STRIP2: variants seen among roughly 807,000 people sequenced by gnomAD.
STRIP2 encodes the protein striatin interacting protein 2, also known as striatin-interacting protein 2.
A neutral mutation model predicts 107.1 loss-of-function variants in STRIP2; 84 were observed. That is an observed-to-expected ratio of 0.78 (90% CI 0.66 to 0.94). STRIP2 has a LOEUF of 0.94. Ranked by LOEUF, STRIP2 falls within the 40% of genes least tolerant of loss-of-function variation. STRIP2 has a pLI of 0.00. For synonymous variants in STRIP2, 394 were observed against 400.4 expected, an observed-to-expected ratio of 0.98 and a Z score of 0.19; for missense variants, 888 against 1,034.2, an observed-to-expected ratio of 0.86 and a Z score of 1.94.
intron 13 of STRIP2, among the ~76,000 whole-genome samples, chr7:129,460,948 C>T (rs1412580820): frequency 6.6e-6 from 1 of 152,222 alleles, no homozygotes; most frequent in African/African-American, 2.4e-5. Flanking sequence ...GGAAGGCAGC[C>T]TTTGGAGATT....
intron 3 of STRIP2, 34 bp from the exon 4 acceptor site, chr7:129,451,579 C>T (rs1798193603): frequency 1.2e-6 from 2 of 1,611,362 alleles, no homozygotes; most frequent in Non-Finnish European, 1.7e-6. Context: ...GTGGCAATAG[C>T]TGACACTGGA....
In STRIP2 at chr7:129,485,700, CTGCT is replaced by C. The variant is rs1440383432; in HGVS notation, c.2380_2383del (p.Leu794ArgfsTer42). 1 of 1,614,142 alleles carries C rather than the reference CTGCT, an allele frequency of 6.2e-7. No homozygotes were observed. The highest frequency in any genetic ancestry group is 8.5e-7 in the Non-Finnish European group (1 of 1,180,034). On this transcript the variant is annotated frameshift_variant, in exon 21 of 21. Transcript: ENST00000249344. LOFTEE classifies it high-confidence loss of function. The stretch of plus-strand genomic sequence containing the variant: ...ACTCTGAGTTTTCACCTGTGGATAA[CTGCT>C]TGCAGAGCGTACTGGGGCAGAGGTT...
chr7:129,481,087 C>A (rs1799104677), intron 19 of STRIP2, among the ~76,000 whole-genome samples, 198 bp downstream of exon 19: 1 of 152,186 alleles, frequency 6.6e-6, no homozygotes, highest in Admixed American at 6.5e-5. Flanking sequence ...TTTCAGGGGG[C>A]TGAATCTCAA....
chr7:129,438,502 A>G (rs1797810919), intron 1 of STRIP2, among the ~76,000 whole-genome samples: 1 of 152,258 alleles, frequency 6.6e-6, no homozygotes, highest in Non-Finnish European at 1.5e-5. Context: ...AGTCCTTAAA[A>G]TAACCCTATG....
Position 129,488,183 on chromosome 7 carries a change from A to G in STRIP2, c.*2354A>G, listed in dbSNP as rs542464820. On this transcript the variant is annotated 3_prime_UTR_variant, in exon 21 of 21. Transcript: ENST00000249344. Reference sequence around the variant, plus strand: ...CTCCGTCTCAAAAACAAAGAAGGATATAATAAAGTTAATATATAAACCATG... The same window carrying G: ...CTCCGTCTCAAAAACAAAGAAGGATGTAATAAAGTTAATATATAAACCATG... 3 of 152,588 alleles carry G rather than the reference A, an allele frequency of 2.0e-5. No individual in the cohort carries two copies. The East Asian group carries it at 5.8e-4, about 30-fold the overall frequency. 9.5% of individuals were successfully genotyped at this position (152,588 alleles called of 1,614,324 possible). A position where few individuals can be genotyped will look rare whatever the true frequency, so the allele number is the denominator to read the frequency against.
At chr7:129,445,234 C>A (rs1467356992) in intron 3 of STRIP2, among the ~76,000 whole-genome samples, 1 of 152,152 alleles carries the variant, frequency 6.6e-6, no homozygotes, top group East Asian at 1.9e-4. Context: ...CTCTTCCTTA[C>A]CTCCGTTGTG....
rs545195540 is a variant in STRIP2, at chr7:129,467,806, T to C, written c.1877+356T>C. Among the ~76,000 whole-genome samples, 7 of 152,276 alleles carry C rather than the reference T, an allele frequency of 4.6e-5. No homozygotes were observed. In the East Asian group the frequency reaches 1.2e-3, roughly 25 times the overall value. ...TAGTATAAATCATAAGTTGGAGCAA[T>C]TGGAACAGTTATACTGTTTCATAAA... On this transcript the variant is annotated intron_variant, in intron 17 of 20. Transcript: ENST00000249344.
At chr7:129,448,339 G>C (rs957309438) in intron 3 of STRIP2, among the ~76,000 whole-genome samples, 1 of 152,174 alleles carries the variant, frequency 6.6e-6, no homozygotes, top group Non-Finnish European at 1.5e-5. Context: ...TTTCCCCAGT[G>C]CACAGTTACC....
In STRIP2 at chr7:129,458,822, G is replaced by T. The variant is rs769750290; in HGVS notation, c.1340+45G>T. Reference sequence around the variant, plus strand: ...GAACTGGCTACAGAGTGGTTCCTAGGGGGCCAGAGGAGCAGGTAGCTTGGA... The same window carrying T: ...GAACTGGCTACAGAGTGGTTCCTAGTGGGCCAGAGGAGCAGGTAGCTTGGA... On this transcript the variant is annotated intron_variant, in intron 11 of 20. Transcript: ENST00000249344. The surrounding 1 kb of genome is among the most constrained non-coding windows in gnomAD (Gnocchi z 4.6). 73 of 1,587,902 alleles carry T rather than the reference G, an allele frequency of 4.6e-5. No homozygotes were observed. In the South Asian group the frequency reaches 7.7e-4, roughly 17 times the overall value.
chr7:129,468,407 T>TA (rs1273168124), intron 17 of STRIP2, among the ~76,000 whole-genome samples: 3 of 152,200 alleles, frequency 2.0e-5, no homozygotes, highest in Non-Finnish European at 2.9e-5. Context: ...ATCTGCCACT[T>TA]ACTAGTTATG....
chr7:129,449,813 A>C (rs1798134099), intron 3 of STRIP2, among the ~76,000 whole-genome samples: 1 of 152,216 alleles, frequency 6.6e-6, no homozygotes, highest in African/African-American at 2.4e-5. Flanking sequence ...GCAGGAGATA[A>C]GACTCTCACT....
intron 1 of STRIP2, 72 bp downstream of exon 1, chr7:129,434,673 C>G (rs951356476): frequency 2.9e-6 from 4 of 1,393,980 alleles, no homozygotes; most frequent in Non-Finnish European, 3.7e-6. Context: ...TGAGGTGATT[C>G]GGCCTCGGCC....
intron 14 of STRIP2, 141 bp downstream of exon 14, chr7:129,463,181 C>T (rs1798588053): frequency 1.6e-5 from 10 of 644,372 alleles, no homozygotes; most frequent in Admixed American, 2.9e-5. Context: ...CTGACACATG[C>T]AAATTCTGAG....
intron 1 of STRIP2, among the ~76,000 whole-genome samples, chr7:129,438,270 T>G (rs1191080627): frequency 6.6e-6 from 1 of 152,238 alleles, no homozygotes. Context: ...CTATTACAGT[T>G]TGTTGCATAT....
intron 2 of STRIP2, among the ~76,000 whole-genome samples, chr7:129,443,013 G>A (rs906484312): frequency 5.3e-5 from 8 of 151,370 alleles, no homozygotes; most frequent in Non-Finnish European, 1.2e-4. Flanking sequence ...GTAGGAAAGG[G>A]CATTTTTATT....
intron 18 of STRIP2, among the ~76,000 whole-genome samples, chr7:129,471,724 A>G (rs893354814): frequency 6.6e-6 from 1 of 152,178 alleles, no homozygotes; most frequent in Non-Finnish European, 1.5e-5. Context: ...CTGAAGGCCC[A>G]GTGAATGAAG....
At chr7:129,450,224 G>A (rs562531097) in intron 3 of STRIP2, among the ~76,000 whole-genome samples, 2 of 152,110 alleles carry the variant, frequency 1.3e-5, no homozygotes, top group African/African-American at 4.8e-5. Context: ...ACCACTCCTG[G>A]TACCCAAATC....
At chr7:129,454,306 T>G in intron 6 of STRIP2, 96 bp downstream of exon 6, 2 of 1,486,958 alleles carry the variant, frequency 1.3e-6, no homozygotes, top group South Asian at 2.3e-5. Context: ...CATTAGGAAG[T>G]TGCCCTGTAG....
intron 6 of STRIP2, 48 bp downstream of exon 6, chr7:129,454,258 C>T (rs748453013): frequency 5.0e-6 from 8 of 1,589,196 alleles, no homozygotes; most frequent in Middle Eastern, 1.8e-4. Flanking sequence ...TGATTAGCAC[C>T]TGGGTTACCT....
Sources: allele counts gnomAD v4.1 joint callset (sites outside exome capture counted in the v4.1 genomes callset), GRCh38; gene constraint gnomAD v4.1.1; non-coding constraint Gnocchi (gnomAD v3.1); transcripts MANE v1.5; gene names NCBI Gene and HGNC (gene_info 2026-07-23, HGNC 2026-07-21).